The following AP3S2 variants were observed in gnomAD, a reference collection of about 807,000 sequenced individuals.
AP3S2 encodes the protein AP-3 complex subunit sigma-2.
A neutral mutation model predicts 23.4 loss-of-function variants in AP3S2; 22 were observed. The ratio of observed to expected loss-of-function variants is 0.94; its 90% confidence interval spans 0.67 to 1.34. The LOEUF is 1.34. Among genes scored for constraint, AP3S2 ranks in the 40% most tolerant of loss-of-function variants. The pLI is 0.00. For missense variants in AP3S2, 241 were observed against 236.9 expected (o/e 1.02, Z -0.11); for synonymous variants, 86 against 87.1 (o/e 0.99, Z 0.07).
intron 3 of AP3S2, chr15:89,877,359 C>T: frequency 7.7e-7 from 1 of 1,296,646 alleles, no homozygotes; most frequent in Non-Finnish European, 1.0e-6. Context: ...GTCCTTGTTC[C>T]CAAAGAGCTA....
rs771449456 is a variant in AP3S2, at chr15:89,888,534, A to G, written c.260T>C (p.Leu87Ser). The G allele has an allele frequency of 2.9e-5, 47 of 1,614,106 alleles. No individual in the cohort carries two copies. The highest frequency in any genetic ancestry group is 6.7e-5 in the Admixed American group (4 of 60,008). Residue 87 changes from leucine to serine, a missense_variant, in exon 3 of 6, where the codon TTG becomes TCG. Leu to Ser is a moderately radical substitution (Grantham distance 145). Coordinates refer to ENST00000336418, the MANE Select transcript of AP3S2 (RefSeq NM_005829.5). ...GACTACACATACCTGGATGAGGTCCAAGATTCCAAGTTCACTCTCTGAGGA... is the reference window on the plus strand; with the variant it reads ...GACTACACATACCTGGATGAGGTCCGAGATTCCAAGTTCACTCTCTGAGGA... ...VDSSESELGI[L>S]DLIQVFVETL... is the part of the protein sequence containing the mutation.
At chr15:89,888,719 C>T in intron 2 of AP3S2, 87 bp from the exon 3 acceptor site, 1 of 1,395,278 alleles carries the variant, frequency 7.2e-7, no homozygotes, top group Non-Finnish European at 9.8e-7. Flanking sequence ...AGAAAGGACC[C>T]ACTGGAAAGG....
intron 4 of AP3S2, chr15:89,845,819 C>T (rs1895474202): frequency 1.3e-5 from 2 of 152,146 alleles, no homozygotes; most frequent in Admixed American, 6.5e-5. Flanking sequence ...GTGCATTGAA[C>T]AAATATGAAT....
At chr15:89,885,584 T>TCTGACTTCTA (rs1457962140) in intron 3 of AP3S2, among the ~76,000 whole-genome samples, 44 of 152,194 alleles carry the variant, frequency 2.9e-4, no homozygotes, top group African/African-American at 1.0e-3. Flanking sequence ...AAACAATGTT[T>TCTGACTTCTA]TCTATTTCTG....
At chr15:89,847,675 C>A (rs556467577) in intron 4 of AP3S2, among the ~76,000 whole-genome samples, 1 of 152,132 alleles carries the variant, frequency 6.6e-6, no homozygotes, top group East Asian at 1.9e-4. Context: ...TGATCTGGTA[C>A]CTGAAGATAA....
Position 89,893,955 on chromosome 15 carries a change from C to T in AP3S2, c.-6G>A, listed in dbSNP as rs1596228063. 2.6e-6 allele frequency: 4 copies of T among 1,551,344 alleles called. No individual in the cohort carries two copies. Among genetic ancestry groups the T allele is most frequent in the Non-Finnish European group, 3.5e-6 (4 of 1,146,944 alleles). On this transcript the variant is annotated 5_prime_UTR_variant, in exon 1 of 6. Coordinates refer to ENST00000336418, the MANE Select transcript of AP3S2 (RefSeq NM_005829.5). ...ACCAGAATCGCCTGAATCATCTTTG[C>T]CAGCCACGGTTCTCTCAGCACCGGC...
intron 4 of AP3S2, among the ~76,000 whole-genome samples, chr15:89,844,265 TTCTTTC>T (rs1484138505): frequency 4.6e-3 from 75 of 16,174 alleles, no homozygotes; most frequent in African/African-American, 0.015. Context: ...CTTTCTTTCT[TTCTTTC>T]TCTCTCTCTC....
At chr15:89,880,490 T>C (rs1008056757) in intron 3 of AP3S2, among the ~76,000 whole-genome samples, 2 of 151,992 alleles carry the variant, frequency 1.3e-5, no homozygotes, top group Non-Finnish European at 2.9e-5. Context: ...CTGGTCAACA[T>C]GGTGAAACCC....
rs1457961376 is a variant in AP3S2, at chr15:89,844,257, TTCTTTCTTTCTTTC to T, written c.346-6549_346-6536del. On this transcript the variant is annotated intron_variant, in intron 4 of 5. Coordinates refer to ENST00000336418, the MANE Select transcript of AP3S2 (RefSeq NM_005829.5). ...TTTCTTTCTTTCTTTCTTTCTTTCT[TTCTTTCTTTCTTTC>T]TCTCTCTCTCTCTTTCTTTCTTTAC... is the stretch of plus-strand genomic sequence containing the variant. 2.4e-3 allele frequency among the ~76,000 whole-genome samples: 115 copies of T among 47,664 alleles called. 1 individual carries two copies. The highest frequency in any genetic ancestry group is 8.7e-3 in the African/African-American group (106 of 12,198). 31.3% of individuals were successfully genotyped at this position (47,664 alleles called of 152,430 possible).
At chr15:89,837,892 G>C (rs1895235928) in intron 4 of AP3S2, 170 bp from the exon 5 acceptor site, 1 of 669,224 alleles carries the variant, frequency 1.5e-6, no homozygotes. Flanking sequence ...GTCTCTCCCA[G>C]GTCTTGGCAC....
intron 3 of AP3S2, among the ~76,000 whole-genome samples, chr15:89,878,563 T>C (rs1896496261): frequency 6.6e-6 from 1 of 152,154 alleles, no homozygotes; most frequent in African/African-American, 2.4e-5. Context: ...AATATTCTTA[T>C]TTTTATCTTA....
chr15:89,890,493 G>T (rs1342795972), intron 1 of AP3S2, among the ~76,000 whole-genome samples: 2 of 152,194 alleles, frequency 1.3e-5, no homozygotes, highest in East Asian at 3.8e-4. Flanking sequence ...CAGCAATTAA[G>T]ACAGATAATA....
chr15:89,835,564 T>A lies in AP3S2; in HGVS notation c.533A>T (p.Asn178Ile), dbSNP rs142608661. 9.3e-6 allele frequency: 15 copies of A among 1,613,962 alleles called. No individual in the cohort carries two copies. The South Asian group carries it at 1.6e-4, about 18-fold the overall frequency. ...AACTTTGATGTTGAGATCGCCAATGTTGATGTTCCGAGGAATCTCTGGCAG... is the reference window on the plus strand; with the variant it reads ...AACTTTGATGTTGAGATCGCCAATGATGATGTTCCGAGGAATCTCTGGCAG... Reference protein sequence around the residue: ...INLPEIPRNINIGDLNIKVPN... With the variant: ...INLPEIPRNIIIGDLNIKVPN... The change falls in exon 6 of 6, where the codon AAC (asparagine) becomes ATC (isoleucine). Residue 178 changes from asparagine (N) to isoleucine (I), a missense_variant. Physicochemically the swap from Asn to Ile is moderately radical, Grantham distance 149. Coordinates refer to ENST00000336418, the MANE Select transcript of AP3S2 (RefSeq NM_005829.5).
At chr15:89,879,328 T>C (rs1896516976) in intron 3 of AP3S2, among the ~76,000 whole-genome samples, 2 of 152,240 alleles carry the variant, frequency 1.3e-5, no homozygotes, top group African/African-American at 4.8e-5. Flanking sequence ...CATGCCCTTA[T>C]TAAAGCAGCA....
chr15:89,888,737 C>T, intron 2 of AP3S2, 105 bp from the exon 3 acceptor site: 4 of 1,250,580 alleles, frequency 3.2e-6, no homozygotes, highest in African/African-American at 1.5e-5. Flanking sequence ...AGGAGAAGGC[C>T]AAACGCTAGA....
Position 89,877,445 on chromosome 15 carries a change from C to T in AP3S2, c.274-5899G>A. ...TTAAGCTGTGGTAAAATACACGTAA[C>T]ATAAAATTTACCATCATAGCCATTT... On this transcript the variant is annotated intron_variant, in intron 3 of 5. Coordinates refer to ENST00000336418, the MANE Select transcript of AP3S2 (RefSeq NM_005829.5). 3 of 1,236,696 alleles carry T rather than the reference C, an allele frequency of 2.4e-6. No individual in the cohort carries two copies. The South Asian group carries it at 3.7e-5, about 15-fold the overall frequency. The allele number at this position is 1,236,696 out of a possible 1,614,324, so 76.6% of individuals were successfully genotyped here.
intron 4 of AP3S2, among the ~76,000 whole-genome samples, chr15:89,859,284 TTTTTC>T (rs994279081): frequency 1.4e-5 from 2 of 148,122 alleles, no homozygotes; most frequent in African/African-American, 5.2e-5. Context: ...TTTCTTTCCT[TTTTTC>T]TTTTCTTTTT....
intron 3 of AP3S2, chr15:89,877,557 C>G (rs1486332481): frequency 5.8e-6 from 3 of 521,450 alleles, no homozygotes; most frequent in Non-Finnish European, 9.7e-6. Context: ...ATTTTATAAA[C>G]CTGAAACATG....
intron 3 of AP3S2, among the ~76,000 whole-genome samples, chr15:89,879,961 A>ATTTT (rs34697679): frequency 7.4e-6 from 1 of 134,254 alleles, no homozygotes; most frequent in East Asian, 2.2e-4. Context: ...CATACTCTTC[A>ATTTT]TTTTTTTTTT....
Sources: gnomAD v4.1 joint callset for allele counts (sites outside exome capture counted in the v4.1 genomes callset) on GRCh38, gnomAD v4.1.1 for gene constraint, MANE v1.5 for transcripts, NCBI Gene and HGNC (gene_info 2026-07-23, HGNC 2026-07-21) for gene names.